The following SHANK2 variants were observed in gnomAD, a reference collection of about 807,000 sequenced individuals.
The protein encoded by SHANK2 is SH3 and multiple ankyrin repeat domains protein 2.
SHANK2 carries 43 observed loss-of-function variants against 133.7 expected under a neutral mutation model. The ratio of observed to expected loss-of-function variants is 0.32; its 90% CI spans 0.25 to 0.41. The LOEUF is 0.41. SHANK2 is among the 10% of genes least tolerant of loss of function. The pLI, the probability that SHANK2 is intolerant of heterozygous loss-of-function variation, is 1.00. For synonymous variants in SHANK2, 1,017 were observed against 952.8 expected, an observed-to-expected ratio of 1.07 and a Z score of -1.24; for missense variants, 1,994 against 2,235.8, an observed-to-expected ratio of 0.89 and a Z score of 2.18.
chr11:71,156,584 C>A (rs12272223), intron 2 of SHANK2, among the ~76,000 whole-genome samples: 1 of 152,008 alleles, frequency 6.6e-6, no homozygotes, highest in East Asian at 1.9e-4. Context: ...AATTCCACAT[C>A]TAATTCCTTC....
chr11:70,556,904 G>T (rs2059839658), intron 17 of SHANK2, among the ~76,000 whole-genome samples: 1 of 151,270 alleles, frequency 6.6e-6, no homozygotes, highest in Non-Finnish European at 1.5e-5. Flanking sequence ...ATTTTTTTTG[G>T]TAGAGATGGG....
chr11:70,930,586 G>T (rs1383006953), intron 10 of SHANK2, among the ~76,000 whole-genome samples: 1 of 151,988 alleles, frequency 6.6e-6, no homozygotes, highest in Non-Finnish European at 1.5e-5. Flanking sequence ...TGCCACATCT[G>T]GGTAGAGGTC....
At chr11:70,865,135 T>G (rs1389316140) in intron 11 of SHANK2, 1 of 152,228 alleles carries the variant, frequency 6.6e-6, no homozygotes, top group Non-Finnish European at 1.5e-5. Context: ...TTCATGGTAC[T>G]TTGCTGCAGT....
At chr11:70,741,287 C>T (rs1450554373) in intron 14 of SHANK2, among the ~76,000 whole-genome samples, 2 of 150,600 alleles carry the variant, frequency 1.3e-5, no homozygotes, top group Non-Finnish European at 3.0e-5. Context: ...ATCCATTCAT[C>T]CATCCGTGCA....
chr11:70,598,887 G>A (rs1554990098), intron 17 of SHANK2, among the ~76,000 whole-genome samples: 1 of 135,794 alleles, frequency 7.4e-6, no homozygotes, highest in Non-Finnish European at 1.5e-5. Flanking sequence ...TTGCACACTA[G>A]GAAAAGAATA....
chr11:70,878,718 T>G (rs2135570883), intron 11 of SHANK2, among the ~76,000 whole-genome samples: 1 of 152,320 alleles, frequency 6.6e-6, no homozygotes, highest in Non-Finnish European at 1.5e-5. Flanking sequence ...AGAGGTGAAC[T>G]TCCTCCTGCT....
chr11:70,717,987 G>A (rs1211599518), intron 14 of SHANK2, among the ~76,000 whole-genome samples: 1 of 152,172 alleles, frequency 6.6e-6, no homozygotes, highest in African/African-American at 2.4e-5. Flanking sequence ...TTTGACACAA[G>A]TTGTAAGCCC....
chr11:70,486,486 G>C lies in SHANK2; in HGVS notation c.3807C>G (p.Thr1269=). The C allele has an allele frequency of 1.2e-6, 2 of 1,614,132 alleles. No individual in the cohort carries two copies. The highest frequency in any genetic ancestry group is 1.7e-6 in the Non-Finnish European group (2 of 1,180,024). ...AGFPTVTRQN[T]RGPLRRQETE... ...TCTCCTGCCGCCTCAGGGGTCCCCGGGTGTTCTGCCTGGTGACCGTAGGGA... is the reference window on the plus strand; with the variant it reads ...TCTCCTGCCGCCTCAGGGGTCCCCGCGTGTTCTGCCTGGTGACCGTAGGGA... Residue 1269 remains threonine, a synonymous_variant, in exon 25 of 26, where the codon ACC becomes ACG. Coordinates refer to ENST00000601538, the MANE Select transcript of SHANK2 (RefSeq NM_012309.5). This position sits in a 1 kb window ranked among gnomAD's most constrained non-coding sequence, Gnocchi z 8.0.
intron 12 of SHANK2, among the ~76,000 whole-genome samples, chr11:70,814,382 C>T (rs1400756445): frequency 1.3e-5 from 2 of 152,062 alleles, no homozygotes; most frequent in Non-Finnish European, 2.9e-5. Context: ...CACACCTCAC[C>T]CCTACTCTGC....
intron 14 of SHANK2, among the ~76,000 whole-genome samples, chr11:70,796,297 C>T (rs889527826): frequency 1.2e-4 from 19 of 152,230 alleles, no homozygotes; most frequent in African/African-American, 3.6e-4. Context: ...TCCTGGAAGC[C>T]GCTACTCTCT....
At chr11:70,641,793 C>T (rs1415975730) in intron 17 of SHANK2, among the ~76,000 whole-genome samples, 6 of 152,190 alleles carry the variant, frequency 3.9e-5, no homozygotes, top group Admixed American at 6.5e-5. Context: ...TCCAGCATTG[C>T]GGGCACGGAC....
chr11:70,616,248 T>C (rs1471548303), intron 17 of SHANK2, among the ~76,000 whole-genome samples: 1 of 152,142 alleles, frequency 6.6e-6, no homozygotes, highest in African/African-American at 2.4e-5. Flanking sequence ...AAGTAGCTAC[T>C]GAGCTGAAGG....
At chr11:71,138,262 G>A (rs782420313) in intron 3 of SHANK2, among the ~76,000 whole-genome samples, 4 of 152,240 alleles carry the variant, frequency 2.6e-5, no homozygotes, top group Admixed American at 6.5e-5. Context: ...ATGGCCGGGC[G>A]CCTCATGGTC....
chr11:70,728,929 G>A (rs1946226983), intron 14 of SHANK2, among the ~76,000 whole-genome samples: 1 of 152,166 alleles, frequency 6.6e-6, no homozygotes, highest in Non-Finnish European at 1.5e-5. Flanking sequence ...GAAGGGCCGG[G>A]CGTGGTGGCT....
chr11:70,833,707 GCT>G (rs1358676346), intron 11 of SHANK2, among the ~76,000 whole-genome samples: 2 of 152,266 alleles, frequency 1.3e-5, no homozygotes, highest in Non-Finnish European at 2.9e-5. Flanking sequence ...ACAGAGGTTA[GCT>G]GTTGCCATCA....
At position 70,472,588 on chromosome 11, in the gene SHANK2, T is replaced by G. The variant is rs1414288017; in HGVS notation, c.*281A>C. The G allele has an allele frequency of 2.1e-6, 1 of 486,884 alleles. No individual in the cohort carries two copies. The highest frequency in any genetic ancestry group is 3.8e-6 in the Non-Finnish European group (1 of 266,060). 30.2% of individuals were successfully genotyped at this position (486,884 alleles called of 1,614,324 possible). ...TCGGACCCGGCAAAGCGAGGCCACC[T>G]GCATGCTGGGCGGCAGGCTGAGAAT... On this transcript the variant is annotated 3_prime_UTR_variant, in exon 26 of 26. Transcript: ENST00000601538. The surrounding 1 kb of genome is among the most constrained non-coding windows in gnomAD (Gnocchi z 4.4).
chr11:71,165,508 A>C (rs1168595737), intron 2 of SHANK2, among the ~76,000 whole-genome samples: 4 of 152,136 alleles, frequency 2.6e-5, no homozygotes, highest in African/African-American at 9.7e-5. Flanking sequence ...GCAGCCCCAC[A>C]GCCTCAAGGC....
chr11:70,693,312 C>T (rs11823702), intron 15 of SHANK2, among the ~76,000 whole-genome samples: 9,038 of 152,274 alleles, frequency 0.059, 907 homozygotes, highest in African/African-American at 0.21. Flanking sequence ...TCATGAAGCA[C>T]GAGGTCTTTC....
chr11:70,765,026 G>A (rs1390364584), intron 14 of SHANK2, among the ~76,000 whole-genome samples: 6 of 152,200 alleles, frequency 3.9e-5, no homozygotes, highest in African/African-American at 1.4e-4. Flanking sequence ...ACAGCCCAAG[G>A]GAAGAAGACT....
Sources: gnomAD v4.1 joint callset for allele counts (sites outside exome capture counted in the v4.1 genomes callset) on GRCh38, gnomAD v4.1.1 for gene constraint, Gnocchi (gnomAD v3.1) non-coding constraint, MANE v1.5 for transcripts, NCBI Gene and HGNC (gene_info 2026-07-23, HGNC 2026-07-21) for gene names.